The following MRTFA variants were observed in gnomAD, a reference collection of about 807,000 sequenced individuals.
MRTFA encodes myocardin-related transcription factor A.
MRTFA carries 20 observed loss-of-function variants against 83.5 expected under a neutral mutation model. The observed-to-expected ratio is 0.24, with a 90% confidence interval of 0.17 to 0.35. The LOEUF is 0.35. Ranked by LOEUF, MRTFA falls within the 10% of genes least tolerant of loss-of-function variation. The pLI is 1.00. For synonymous variants in MRTFA, 659 were observed against 541.2 expected, an observed-to-expected ratio of 1.22 and a Z score of -3.02; for missense variants, 1,200 against 1,224.7, an observed-to-expected ratio of 0.98 and a Z score of 0.30.
At chr22:40,635,088 T>C (rs1252392727) in intron 1 of MRTFA, among the ~76,000 whole-genome samples, 1 of 152,226 alleles carries the variant, frequency 6.6e-6, no homozygotes, top group Non-Finnish European at 1.5e-5. Context: ...TCTTTCTAAA[T>C]CATTTCAATA....
Position 40,561,203 on chromosome 22 carries a change from T to C in MRTFA, c.-21-8836A>G, listed in dbSNP as rs111525666. ...GGGTGGGTATGGGTATCTCTGTGTG[T>C]GTGTGTGTCTGTGTGTGTGTGTGTG... On this transcript the variant is annotated intron_variant, in intron 2 of 14. Transcript: ENST00000355630. Among the ~76,000 whole-genome samples, 1,130 of 130,866 alleles carry C rather than the reference T, an allele frequency of 8.6e-3. 26 individuals are homozygous for C. The Middle Eastern group carries it at 0.09, about 10-fold the overall frequency. The allele number at this position is 130,866 out of a possible 152,430, so 85.9% of individuals were successfully genotyped here.
intron 7 of MRTFA, among the ~76,000 whole-genome samples, chr22:40,427,500 T>TG (rs2052979809): frequency 6.6e-6 from 1 of 152,190 alleles, no homozygotes; most frequent in Non-Finnish European, 1.5e-5. Context: ...CCTCTTTCTC[T>TG]GAAGGCACAG....
intron 4 of MRTFA, among the ~76,000 whole-genome samples, chr22:40,445,558 G>A (rs554103490): frequency 1.5e-4 from 23 of 151,544 alleles, no homozygotes; most frequent in Non-Finnish European, 2.9e-4. Context: ...TTTTTGAGAC[G>A]GAGTCTTGCT....
chr22:40,431,286 C>CT (rs2053064719), intron 6 of MRTFA, 119 bp downstream of exon 6: 1 of 940,580 alleles, frequency 1.1e-6, no homozygotes, highest in Non-Finnish European at 1.7e-6. Flanking sequence ...AAGGCTCTGG[C>CT]TTACCCACTG....
chr22:40,592,886 AT>A (rs2056141732), intron 2 of MRTFA, among the ~76,000 whole-genome samples: 1 of 152,168 alleles, frequency 6.6e-6, no homozygotes, highest in Non-Finnish European at 1.5e-5. Flanking sequence ...TTTGAAGAAA[AT>A]TAATTTGCAT....
At chr22:40,524,319 AT>A (rs1403608790) in intron 3 of MRTFA, among the ~76,000 whole-genome samples, 1 of 152,214 alleles carries the variant, frequency 6.6e-6, no homozygotes, top group Non-Finnish European at 1.5e-5. Context: ...ACACAAAAAA[AT>A]AATTAAAACA....
chr22:40,456,543 C>G (rs1278150198), intron 4 of MRTFA, among the ~76,000 whole-genome samples: 1 of 152,112 alleles, frequency 6.6e-6, no homozygotes, highest in Non-Finnish European at 1.5e-5. Flanking sequence ...CAAAAACTAG[C>G]TGGACGTGCT....
chr22:40,432,522 CT>C (rs896453208), intron 5 of MRTFA, among the ~76,000 whole-genome samples: 29 of 152,056 alleles, frequency 1.9e-4, no homozygotes, highest in Non-Finnish European at 4.0e-4. Context: ...GGACCTGACT[CT>C]ATAGAGTCTG....
intron 4 of MRTFA, among the ~76,000 whole-genome samples, chr22:40,449,946 T>C (rs779699270): frequency 2.6e-5 from 4 of 152,214 alleles, no homozygotes; most frequent in Non-Finnish European, 4.4e-5. Context: ...TACAGAAATG[T>C]AGTCCTTGGT....
At chr22:40,487,146 A>G (rs901212126) in intron 3 of MRTFA, among the ~76,000 whole-genome samples, 1 of 152,190 alleles carries the variant, frequency 6.6e-6, no homozygotes, top group Non-Finnish European at 1.5e-5. Flanking sequence ...GTTAACCACT[A>G]TTGTGACTAT....
chr22:40,523,720 T>C (rs1380691358), intron 3 of MRTFA: 1 of 152,174 alleles, frequency 6.6e-6, no homozygotes, highest in African/African-American at 2.4e-5. Flanking sequence ...GGCTTCCAGG[T>C]GATACAAAGG....
intron 7 of MRTFA, among the ~76,000 whole-genome samples, chr22:40,428,224 T>C (rs371887436): frequency 9.9e-5 from 15 of 152,152 alleles, no homozygotes; most frequent in Non-Finnish European, 7.3e-5. Flanking sequence ...GGGACCAGCA[T>C]GGGAAGTGGG....
chr22:40,549,973 C>T (rs1054636668), intron 3 of MRTFA, among the ~76,000 whole-genome samples: 1 of 149,424 alleles, frequency 6.7e-6, no homozygotes, highest in African/African-American at 2.5e-5. Context: ...TGCTTGAACC[C>T]GGGAGACGGA....
intron 1 of MRTFA, among the ~76,000 whole-genome samples, chr22:40,614,131 G>A (rs895348656): frequency 2.6e-5 from 4 of 151,864 alleles, no homozygotes; most frequent in Admixed American, 6.6e-5. Flanking sequence ...GAATCTAGGC[G>A]GCAGAGGTTG....
At chr22:40,558,083 T>C (rs1029520687) in intron 2 of MRTFA, among the ~76,000 whole-genome samples, 4 of 151,030 alleles carry the variant, frequency 2.6e-5, no homozygotes, top group Non-Finnish European at 5.9e-5. Context: ...AGCCTTTTTC[T>C]TTCTTTCTTT....
intron 2 of MRTFA, among the ~76,000 whole-genome samples, chr22:40,592,613 C>A (rs540279444): frequency 1.3e-5 from 2 of 152,036 alleles, no homozygotes; most frequent in South Asian, 4.1e-4. Flanking sequence ...CTCAGCCTCT[C>A]TAGCAAATGG....
At position 40,415,746 on chromosome 22, in the gene MRTFA, G is replaced by C. The variant is rs567952877; in HGVS notation, c.2578+1240C>G. On this transcript the variant is annotated intron_variant, in intron 14 of 14. Transcript: ENST00000355630. Reference sequence around the variant, plus strand: ...TTCCCCTCTGCAGGGGAACCTCCCAGAGAGCTCTCTACGGCCACCCCCACC... The same window carrying C: ...TTCCCCTCTGCAGGGGAACCTCCCACAGAGCTCTCTACGGCCACCCCCACC... Among the ~76,000 whole-genome samples, 3 of 152,098 alleles carry C rather than the reference G, an allele frequency of 2.0e-5. No individual in the cohort carries two copies. In the East Asian group the frequency reaches 5.8e-4, roughly 30 times the overall value.
intron 6 of MRTFA, among the ~76,000 whole-genome samples, chr22:40,430,181 A>C (rs182043821): frequency 2.0e-5 from 3 of 152,260 alleles, no homozygotes; most frequent in African/African-American, 7.2e-5. Flanking sequence ...TTCCAGCCCC[A>C]AAAACAGCTC....
At chr22:40,421,133 G>C (rs373224391) in intron 9 of MRTFA, 33 bp from the exon 10 acceptor site, 51 of 1,504,998 alleles carry the variant, frequency 3.4e-5, no homozygotes, top group Non-Finnish European at 4.3e-5. Flanking sequence ...GCCATTCAGG[G>C]GCAGCCTCAG....
Sources: allele counts gnomAD v4.1 joint callset (sites outside exome capture counted in the v4.1 genomes callset), GRCh38; gene constraint gnomAD v4.1.1; transcripts MANE v1.5; gene names NCBI Gene and HGNC (gene_info 2026-07-23, HGNC 2026-07-21).